GALNTL6: variants seen among roughly 807,000 people sequenced by gnomAD.
GALNTL6 encodes the protein polypeptide N-acetylgalactosaminyltransferase-like 6.
A neutral mutation model predicts 73.7 loss-of-function variants in GALNTL6; 46 were observed. That is an observed-to-expected ratio of 0.62 (90% CI 0.49 to 0.80). The LOEUF is 0.80. Among genes scored for constraint, GALNTL6 ranks in the 30% least tolerant of loss-of-function variants. The probability of loss-of-function intolerance (pLI) is 0.00; values close to 1 mark genes in which losing one functional copy is unlikely to be tolerated. For synonymous variants in GALNTL6, 259 were observed against 263.7 expected (o/e 0.98, Z 0.17); for missense variants, 604 against 755.0 (o/e 0.80, Z 2.34).
chr4:172,841,042 A>G (rs1412425670), intron 7 of GALNTL6, among the ~76,000 whole-genome samples: 3 of 152,114 alleles, frequency 2.0e-5, no homozygotes, highest in East Asian at 3.9e-4. Flanking sequence ...TTCTCCTTCC[A>G]TAGGTCTTCA....
intron 5 of GALNTL6, among the ~76,000 whole-genome samples, chr4:172,674,199 A>T (rs1732150688): frequency 6.6e-6 from 1 of 152,046 alleles, no homozygotes; most frequent in African/African-American, 2.4e-5. Flanking sequence ...TGTAAAAAGG[A>T]TCTATTTCTC....
At chr4:171,998,856 C>T (rs1740582021) in intron 2 of GALNTL6, among the ~76,000 whole-genome samples, 1 of 152,106 alleles carries the variant, frequency 6.6e-6, no homozygotes, top group African/African-American at 2.4e-5. Flanking sequence ...TCAGAGTTGG[C>T]TTAATCCCAT....
chr4:172,755,237 T>TATAGATAGATAGATAGATAGATAGATAG (rs58940503), intron 5 of GALNTL6, among the ~76,000 whole-genome samples: 7 of 145,664 alleles, frequency 4.8e-5, no homozygotes, highest in African/African-American at 7.7e-5. Flanking sequence ...AAATGACAGA[T>TATAGATAGATAGATAGATAGATAGATAG]ATAGATAGAT....
intron 5 of GALNTL6, among the ~76,000 whole-genome samples, chr4:172,594,634 C>G (rs190879135): frequency 1.3e-5 from 2 of 152,150 alleles, no homozygotes; most frequent in East Asian, 3.9e-4. Flanking sequence ...CAATTTTATG[C>G]CTTTTTCACA....
At chr4:172,386,772 T>A (rs1743487122) in intron 5 of GALNTL6, among the ~76,000 whole-genome samples, 2 of 151,780 alleles carry the variant, frequency 1.3e-5, no homozygotes, top group South Asian at 4.2e-4. Flanking sequence ...GGGAGAAAAA[T>A]TTACCCTCTG....
chr4:172,976,867 A>C (rs1377898300), intron 10 of GALNTL6, among the ~76,000 whole-genome samples: 1 of 150,644 alleles, frequency 6.6e-6, no homozygotes, highest in African/African-American at 2.4e-5. Flanking sequence ...ACTAAAATGC[A>C]CAGGAGGCTG....
intron 6 of GALNTL6, 31 bp from the exon 7 acceptor site, chr4:172,813,509 T>G: frequency 6.4e-7 from 1 of 1,564,614 alleles, no homozygotes; most frequent in East Asian, 2.3e-5. Flanking sequence ...GGCAGGCATG[T>G]CATTTCCTAT....
intron 2 of GALNTL6, among the ~76,000 whole-genome samples, chr4:172,187,413 A>C (rs1735446795): frequency 6.6e-6 from 1 of 152,144 alleles, no homozygotes; most frequent in South Asian, 2.1e-4. Context: ...GCTTTCCGTA[A>C]AAATTAAATA....
At chr4:172,232,667 G>C (rs1000206932) in intron 3 of GALNTL6, among the ~76,000 whole-genome samples, 3 of 152,024 alleles carry the variant, frequency 2.0e-5, no homozygotes, top group African/African-American at 7.2e-5. Flanking sequence ...TCTCACTGCT[G>C]TACATCCTTG....
chr4:172,641,549 A>G (rs1402180230), intron 5 of GALNTL6, among the ~76,000 whole-genome samples: 2 of 152,086 alleles, frequency 1.3e-5, no homozygotes, highest in Non-Finnish European at 2.9e-5. Context: ...TGCTAACTGC[A>G]TGGCTCGCTC....
chr4:171,902,898 A>G lies in GALNTL6; in HGVS notation c.138+88180A>G, dbSNP rs1021472365. 3.9e-5 allele frequency among the ~76,000 whole-genome samples: 6 copies of G among 152,318 alleles called. No individual in the cohort carries two copies. In the Middle Eastern group the frequency reaches 0.014, roughly 345 times the overall value. On this transcript the variant is annotated intron_variant, in intron 2 of 12. Coordinates refer to ENST00000506823, the MANE Select transcript of GALNTL6 (RefSeq NM_001034845.3). ...TTCTAGTACCCTATCAAGAAGGTCA[A>G]TATAGTTACTGGTATTGTTCTGAAT... is the stretch of plus-strand genomic sequence containing the variant.
chr4:171,974,502 C>T (rs891531325), intron 2 of GALNTL6, among the ~76,000 whole-genome samples: 2 of 152,060 alleles, frequency 1.3e-5, no homozygotes, highest in Non-Finnish European at 2.9e-5. Flanking sequence ...AATACATTTC[C>T]AACTAATGAT....
At position 172,882,665 on chromosome 4, in the gene GALNTL6, C is replaced by T. The variant is rs925753314; in HGVS notation, c.924-125C>T. On this transcript the variant is annotated intron_variant, in intron 7 of 12. Transcript: ENST00000506823. ...AACCCTATATCCACTTACAGAAAACCAGTGCTGAAAAGTTCCACACAGCTG... is the reference window on the plus strand; with the variant it reads ...AACCCTATATCCACTTACAGAAAACTAGTGCTGAAAAGTTCCACACAGCTG... 5 of 686,412 alleles carry T rather than the reference C, an allele frequency of 7.3e-6. No individual in the cohort carries two copies. The Admixed American group carries it at 1.0e-4, about 14-fold the overall frequency. The allele number at this position is 686,412 out of a possible 1,614,324, so 42.5% of individuals were successfully genotyped here.
At chr4:172,496,130 C>G (rs570916392) in intron 5 of GALNTL6, among the ~76,000 whole-genome samples, 2 of 152,260 alleles carry the variant, frequency 1.3e-5, no homozygotes, top group South Asian at 4.1e-4. Flanking sequence ...TTTTTAATCT[C>G]TCATACAAAA....
intron 5 of GALNTL6, among the ~76,000 whole-genome samples, chr4:172,443,729 G>A (rs1731921979): frequency 6.6e-6 from 1 of 152,008 alleles, no homozygotes; most frequent in Non-Finnish European, 1.5e-5. Context: ...TTAGTATTGG[G>A]GGAAATAATC....
chr4:173,014,859 A>G (rs1469228668), intron 11 of GALNTL6, among the ~76,000 whole-genome samples: 2 of 152,188 alleles, frequency 1.3e-5, no homozygotes, highest in African/African-American at 4.8e-5. Flanking sequence ...AAGCAAAGAA[A>G]TAAGAGTTAA....
chr4:172,417,130 A>G (rs1730867542), intron 5 of GALNTL6, among the ~76,000 whole-genome samples: 1 of 152,134 alleles, frequency 6.6e-6, no homozygotes, highest in African/African-American at 2.4e-5. Flanking sequence ...TATTGTCTAA[A>G]AACTCGGTCA....
intron 5 of GALNTL6, among the ~76,000 whole-genome samples, chr4:172,742,496 T>C (rs1416628640): frequency 6.6e-6 from 1 of 151,386 alleles, no homozygotes; most frequent in African/African-American, 2.4e-5. Context: ...AATTATTGTG[T>C]CTTCAAGTAA....
chr4:171,944,428 A>G (rs1314121543), intron 2 of GALNTL6, among the ~76,000 whole-genome samples: 3 of 152,090 alleles, frequency 2.0e-5, no homozygotes, highest in South Asian at 2.1e-4. Flanking sequence ...TATCAGGTTT[A>G]CTTAGTTGAC....
Sources: allele counts gnomAD v4.1 joint callset (sites outside exome capture counted in the v4.1 genomes callset), GRCh38; gene constraint gnomAD v4.1.1; transcripts MANE v1.5; gene names NCBI Gene and HGNC (gene_info 2026-07-23, HGNC 2026-07-21).